The following SCAF4 variants were observed in gnomAD, a reference collection of about 807,000 sequenced individuals.
SCAF4 encodes SR-related and CTD-associated factor 4.
Under a neutral mutation model 129.8 loss-of-function variants are expected in SCAF4, and 25 were observed. The observed-to-expected ratio is 0.19, with a 90% confidence interval of 0.14 to 0.27. The LOEUF is 0.27. Among genes scored for constraint, SCAF4 ranks in the 10% least tolerant of loss-of-function variants. The pLI is 1.00. For missense variants in SCAF4, 1,246 were observed against 1,457.1 expected (o/e 0.86, Z 2.36); for synonymous variants, 551 against 497.7 (o/e 1.11, Z -1.43).
intron 13 of SCAF4, 58 bp downstream of exon 13, chr21:31,692,291 A>T: frequency 7.3e-7 from 1 of 1,363,128 alleles, no homozygotes; most frequent in East Asian, 2.3e-5. Flanking sequence ...CCTCCATTTC[A>T]TAAAATGACA....
At chr21:31,720,860 C>A (rs1421414048) in intron 1 of SCAF4, among the ~76,000 whole-genome samples, 1 of 152,142 alleles carries the variant, frequency 6.6e-6, no homozygotes. Context: ...TCGGGATCAA[C>A]AAAATAATTT....
At chr21:31,682,311 G>A (rs954554988) in intron 19 of SCAF4, among the ~76,000 whole-genome samples, 3 of 151,962 alleles carry the variant, frequency 2.0e-5, no homozygotes, top group African/African-American at 4.8e-5. Flanking sequence ...CTTGGGAGGC[G>A]GAGGCTGCAG....
Position 31,692,370 on chromosome 21 carries a change from A to G in SCAF4, c.1593T>C (p.Phe531=), listed in dbSNP as rs140491330. 1.2e-6 allele frequency: 2 copies of G among 1,613,706 alleles called. No homozygotes were observed. The highest frequency in any genetic ancestry group is 2.7e-5 in the African/African-American group (2 of 74,926). Residue 531 remains phenylalanine (F), a synonymous_variant, in exon 13 of 20, where the codon TTT becomes TTC. Coordinates refer to ENST00000286835, the MANE Select transcript of SCAF4 (RefSeq NM_020706.2). Reference sequence around the variant, plus strand: ...TCACATTAATTGATTCAATTGGACCAAACTCTTCCAAGAGACTGGCAACAT... The same window carrying G: ...TCACATTAATTGATTCAATTGGACCGAACTCTTCCAAGAGACTGGCAACAT... ...QQDVASLLEE[F]GPIESINMIP...
intron 19 of SCAF4, among the ~76,000 whole-genome samples, chr21:31,683,348 A>G (rs1326543091): frequency 6.6e-6 from 1 of 152,196 alleles, no homozygotes; most frequent in East Asian, 1.9e-4. Flanking sequence ...CCGACTTCTC[A>G]TCTGTGTTTG....
intron 1 of SCAF4, among the ~76,000 whole-genome samples, chr21:31,721,284 T>G (rs1214755085): frequency 6.6e-6 from 1 of 152,230 alleles, no homozygotes; most frequent in Non-Finnish European, 1.5e-5. Context: ...AACTGATCCC[T>G]AAACTTGGCT....
chr21:31,716,029 T>C (rs1355406446), intron 1 of SCAF4, among the ~76,000 whole-genome samples: 1 of 152,116 alleles, frequency 6.6e-6, no homozygotes, highest in Non-Finnish European at 1.5e-5. Context: ...TGGCCCAGAG[T>C]CTACAATTTC....
chr21:31,689,348 A>AG (rs2050203840), intron 15 of SCAF4, among the ~76,000 whole-genome samples: 1 of 151,314 alleles, frequency 6.6e-6, no homozygotes. Flanking sequence ...CCCAGGATGG[A>AG]GTGCAGTGGC....
At chr21:31,712,115 A>G (rs2050812417) in intron 1 of SCAF4, among the ~76,000 whole-genome samples, 1 of 152,180 alleles carries the variant, frequency 6.6e-6, no homozygotes. Flanking sequence ...TTATACATTC[A>G]GAAATTCTTA....
At chr21:31,711,091 T>C (rs555856073) in intron 1 of SCAF4, among the ~76,000 whole-genome samples, 133 of 152,346 alleles carry the variant, frequency 8.7e-4, no homozygotes, top group African/African-American at 3.0e-3. Flanking sequence ...ACTATAGGCA[T>C]GTGCCACCCC....
chr21:31,688,453 T>A lies in SCAF4; in HGVS notation c.1897A>T (p.Ile633Phe). The change falls in exon 16 of 20, where the codon ATT becomes TTT. Residue 633 changes from isoleucine (I) to phenylalanine (F), a missense_variant. Transcript: ENST00000286835. The stretch of plus-strand genomic sequence containing the variant: ...ACTTCATTTTCAGGCTTCTTAGGAA[T>A]TCCTTTCCAATCTGTGAGCGTGAAA... ...SDTLNPDWKG[I>F]PKKPENEVAQ... is the part of the protein sequence containing the mutation. The A allele has an allele frequency of 6.2e-7, 1 of 1,613,808 alleles. No homozygotes were observed. Among genetic ancestry groups the A allele is most frequent in the African/African-American group, 1.3e-5 (1 of 75,028 alleles).
At chr21:31,729,097 C>T (rs1030193998) in intron 1 of SCAF4, among the ~76,000 whole-genome samples, 1 of 152,150 alleles carries the variant, frequency 6.6e-6, no homozygotes, top group Non-Finnish European at 1.5e-5. Flanking sequence ...ACACTACGAA[C>T]GAAACAGTTT....
At position 31,690,855 on chromosome 21, in the gene SCAF4, A is replaced by G. The variant is rs1177234051; in HGVS notation, c.1827T>C (p.Pro609=). ...VTYIPWDKVK[P]EELESFCEGG... is the part of the protein sequence containing the mutation. ...CTTCACAAAAACTCTCCAGTTCCTC[A>G]GGCTTGACTTTGTCCCATGGAATAT... The change falls in exon 15 of 20, where the codon CCT becomes CCC. Residue 609 remains proline (P), a synonymous_variant. Transcript: ENST00000286835. 14 of 1,613,806 alleles carry G rather than the reference A, an allele frequency of 8.7e-6. No homozygotes were observed. The highest frequency in any genetic ancestry group is 1.3e-5 in the African/African-American group (1 of 74,928).
chr21:31,723,629 T>TGTGTGTGTGTGTGTGTGTGTGCGCGCGC (rs1271033175), intron 1 of SCAF4, among the ~76,000 whole-genome samples: 6 of 149,070 alleles, frequency 4.0e-5, no homozygotes, highest in African/African-American at 1.5e-4. Flanking sequence ...TGTGTGTGTG[T>TGTGTGTGTGTGTGTGTGTGTGCGCGCGC]GCGCGCGCGC....
chr21:31,705,618 TA>T, intron 2 of SCAF4, 151 bp from the exon 3 acceptor site: 1 of 339,026 alleles, frequency 2.9e-6, no homozygotes. Flanking sequence ...AATTTAATAT[TA>T]AAAAACTCAG....
chr21:31,688,531 G>A, intron 15 of SCAF4, 67 bp from the exon 16 acceptor site: 1 of 1,316,980 alleles, frequency 7.6e-7, no homozygotes, highest in African/African-American at 1.5e-5. Context: ...ATCTAGAAAT[G>A]AAAAATGTTG....
At chr21:31,716,054 T>A (rs2050913762) in intron 1 of SCAF4, among the ~76,000 whole-genome samples, 1 of 152,148 alleles carries the variant, frequency 6.6e-6, no homozygotes, top group South Asian at 2.1e-4. Flanking sequence ...GTATGCTTTT[T>A]CCTACTTTTT....
At chr21:31,710,427 T>TA (rs1157844302) in intron 1 of SCAF4, among the ~76,000 whole-genome samples, 1 of 152,204 alleles carries the variant, frequency 6.6e-6, no homozygotes. Flanking sequence ...CATGTGCCTG[T>TA]AGTCCCAGCT....
intron 19 of SCAF4, among the ~76,000 whole-genome samples, chr21:31,682,829 T>C (rs187872614): frequency 1.2e-4 from 19 of 152,362 alleles, no homozygotes; most frequent in Admixed American, 3.9e-4. Flanking sequence ...ACTGCAATAC[T>C]GCAGTGTGGT....
intron 1 of SCAF4, among the ~76,000 whole-genome samples, chr21:31,718,505 A>T (rs73201534): frequency 0.11 from 17,079 of 152,186 alleles, 1,642 homozygotes; most frequent in East Asian, 0.51. Context: ...CATGTTAGCC[A>T]GGATGGTTTC....
Sources: allele counts gnomAD v4.1 joint callset (sites outside exome capture counted in the v4.1 genomes callset), GRCh38; gene constraint gnomAD v4.1.1; transcripts MANE v1.5; gene names NCBI Gene and HGNC (gene_info 2026-07-23, HGNC 2026-07-21).